The following FYB2 variants were observed in gnomAD, a reference collection of about 807,000 sequenced individuals.
FYB2 encodes the protein FYN binding protein 2, also known as FYN-binding protein 2.
Under a neutral mutation model 94.1 loss-of-function variants are expected in FYB2, and 103 were observed. That is an observed-to-expected ratio of 1.09 (90% confidence interval 0.93 to 1.29). The LOEUF (loss-of-function observed/expected upper bound fraction) is 1.29, where lower values mean the gene tolerates loss of function less well. Among genes scored for constraint, FYB2 ranks in the 50% most tolerant of loss-of-function variants. The pLI is 0.00. For synonymous variants in FYB2, 293 were observed against 287.9 expected, an observed-to-expected ratio of 1.02 and a Z score of -0.18; for missense variants, 896 against 841.5, an observed-to-expected ratio of 1.06 and a Z score of -0.80.
chr1:56,769,740 A>C (rs1269205247), intron 4 of FYB2, among the ~76,000 whole-genome samples: 7 of 152,188 alleles, frequency 4.6e-5, no homozygotes, highest in Non-Finnish European at 8.8e-5. Flanking sequence ...AAATGCAATG[A>C]GAAAGCTTAA....
intron 16 of FYB2, among the ~76,000 whole-genome samples, chr1:56,724,222 C>T (rs1229821604): frequency 1.3e-5 from 2 of 151,918 alleles, no homozygotes; most frequent in Non-Finnish European, 2.9e-5. Flanking sequence ...TCGAAGAGCT[C>T]TCCAGTTTGC....
At chr1:56,735,576 C>T (rs560020624) in intron 15 of FYB2, among the ~76,000 whole-genome samples, 1 of 152,162 alleles carries the variant, frequency 6.6e-6, no homozygotes, top group East Asian at 1.9e-4. Flanking sequence ...TAAACCTCAC[C>T]TTGAATTGTA....
At chr1:56,754,078 C>A (rs1645267098) in intron 7 of FYB2, 143 bp from the exon 8 acceptor site, 1 of 617,358 alleles carries the variant, frequency 1.6e-6, no homozygotes, top group East Asian at 2.8e-5. Context: ...GGACTAGGAT[C>A]AGATCAATTA....
intron 15 of FYB2, among the ~76,000 whole-genome samples, chr1:56,731,363 A>T (rs1326498048): frequency 6.6e-6 from 1 of 152,152 alleles, no homozygotes; most frequent in African/African-American, 2.4e-5. Flanking sequence ...TTATAAAAAT[A>T]GAGATGGGGT....
At chr1:56,759,201 C>T (rs1645428366) in intron 5 of FYB2, among the ~76,000 whole-genome samples, 1 of 152,096 alleles carries the variant, frequency 6.6e-6, no homozygotes, top group African/African-American at 2.4e-5. Flanking sequence ...ACGAGCACAC[C>T]AACTAAGGCT....
chr1:56,788,094 A>C (rs1646172922), intron 3 of FYB2, among the ~76,000 whole-genome samples: 1 of 152,204 alleles, frequency 6.6e-6, no homozygotes, highest in African/African-American at 2.4e-5. Flanking sequence ...AGACCAACTG[A>C]ACCAGAAACT....
Position 56,767,932 on chromosome 1 carries a change from G to A in FYB2, c.960C>T (p.Phe320=). 1 of 1,588,412 alleles carries A rather than the reference G, an allele frequency of 6.3e-7. No homozygotes were observed. Among genetic ancestry groups the A allele is most frequent in the Non-Finnish European group, 8.6e-7 (1 of 1,168,526 alleles). Residue 320 remains phenylalanine, a synonymous_variant, in exon 5 of 20, where the codon TTC becomes TTT. Coordinates refer to ENST00000343433, the MANE Select transcript of FYB2 (RefSeq NM_001004303.5). ...EEGSLSPERL[F]NAEFEEPHNY... is the part of the protein sequence containing the mutation. ...TATGTGGTTCTTCAAATTCTGCATTGAAAAGCCTGGAGAAAAAAGGGTTAC... is the reference window on the plus strand; with the variant it reads ...TATGTGGTTCTTCAAATTCTGCATTAAAAAGCCTGGAGAAAAAAGGGTTAC...
chr1:56,805,069 G>A lies in FYB2; in HGVS notation c.10-12266C>T, dbSNP rs962212198. 3.3e-5 allele frequency among the ~76,000 whole-genome samples: 5 copies of A among 152,150 alleles called. No individual in the cohort carries two copies. The East Asian group carries it at 9.6e-4, about 29-fold the overall frequency. ...GCTGAGTTACCAATCCCTCCGAGCA[G>A]CTTTTTCCAGTTCTTAGGTTGGGCC... is the stretch of plus-strand genomic sequence containing the variant. On this transcript the variant is annotated intron_variant, in intron 1 of 19. Transcript: ENST00000343433.
chr1:56,801,537 C>T (rs1646519553), intron 1 of FYB2, among the ~76,000 whole-genome samples: 1 of 152,174 alleles, frequency 6.6e-6, no homozygotes, highest in African/African-American at 2.4e-5. Flanking sequence ...TCTCATCTTT[C>T]ACCCTACTTT....
chr1:56,792,378 C>T lies in FYB2; in HGVS notation c.435G>A (p.Lys145=), dbSNP rs752667969. The change falls in exon 2 of 20, where the codon AAG becomes AAA. Residue 145 remains lysine (K), a synonymous_variant. Coordinates refer to ENST00000343433, the MANE Select transcript of FYB2 (RefSeq NM_001004303.5). The part of the protein sequence containing the change: ...SFRNKLWNWE[K]VSSQKSEMSS... ...ACATTTCACTTTTCTGAGATGAAAC[C>T]TTCTCCCAGTTCCAGAGTTTGTTTC... 1 of 1,614,096 alleles carries T rather than the reference C, an allele frequency of 6.2e-7. No individual in the cohort carries two copies. Among genetic ancestry groups the T allele is most frequent in the Admixed American group, 1.7e-5 (1 of 60,004 alleles).
chr1:56,719,415 C>CTGTT lies in FYB2; in HGVS notation c.*252_*255dup, dbSNP rs1217107145. On this transcript the variant is annotated 3_prime_UTR_variant, in exon 20 of 20. Coordinates refer to ENST00000343433, the MANE Select transcript of FYB2 (RefSeq NM_001004303.5). ...ATAAGTGCTCAAATGCTAACACATA[C>CTGTT]TGTTTCACATTCTCTTGAACTGACA... 2 of 416,076 alleles carry CTGTT rather than the reference C, an allele frequency of 4.8e-6. No homozygotes were observed. Among genetic ancestry groups the CTGTT allele is most frequent in the East Asian group, 3.7e-5 (1 of 26,892 alleles). 25.8% of individuals were successfully genotyped at this position (416,076 alleles called of 1,614,324 possible).
chr1:56,789,219 T>TA (rs1307844505), intron 2 of FYB2, 85 bp from the exon 3 acceptor site: 4 of 1,427,874 alleles, frequency 2.8e-6, no homozygotes, highest in Non-Finnish European at 3.8e-6. Flanking sequence ...TGCCTCCATC[T>TA]AAGTCCCGTC....
In FYB2 at chr1:56,740,738, A is replaced by G; in HGVS notation, c.1662T>C (p.Asp554=). ...RLQQFFKKEK[D]RFKIKKTKSK... is the part of the protein sequence containing the mutation. ...ACTTGGTTTTCTTTATTTTAAATCT[A>G]TCCTTTTCTTTCTTGAAGAATTGCT... Residue 554 remains aspartate (D), a synonymous_variant, in exon 13 of 20, where the codon GAT becomes GAC. Transcript: ENST00000343433. The G allele has an allele frequency of 6.2e-7, 1 of 1,608,374 alleles. No individual in the cohort carries two copies. Among genetic ancestry groups the G allele is most frequent in the Non-Finnish European group, 8.5e-7 (1 of 1,176,978 alleles).
chr1:56,761,787 CCTCT>C (rs76583089), intron 5 of FYB2, among the ~76,000 whole-genome samples: 31,907 of 151,886 alleles, frequency 0.21, 3,530 homozygotes, highest in South Asian at 0.33. Flanking sequence ...TCCTTCCTTC[CCTCT>C]CTCCTTCCCT....
chr1:56,781,935 G>A (rs1738400), intron 4 of FYB2, among the ~76,000 whole-genome samples: 117,240 of 152,072 alleles, frequency 0.77, 46,278 homozygotes, highest in East Asian at 0.96. Context: ...CTTTAACTGG[G>A]CTGGGTCCTT....
intron 1 of FYB2, among the ~76,000 whole-genome samples, chr1:56,814,443 A>T (rs1646836199): frequency 6.6e-6 from 1 of 152,206 alleles, no homozygotes; most frequent in South Asian, 2.1e-4. Context: ...GCCAGGCTAA[A>T]TGCTGAAGTC....
intron 14 of FYB2, chr1:56,737,366 T>A: frequency 4.8e-6 from 2 of 420,504 alleles, no homozygotes; most frequent in Non-Finnish European, 4.1e-6. Flanking sequence ...AAAAGTGTGA[T>A]GTCCCAGTAT....
In FYB2 at chr1:56,758,821, G is replaced by C; in HGVS notation, c.1064-71C>G. The C allele has an allele frequency of 3.4e-6, 4 of 1,193,334 alleles. No individual in the cohort carries two copies. The South Asian group carries it at 6.0e-5, about 18-fold the overall frequency. 73.9% of individuals were successfully genotyped at this position (1,193,334 alleles called of 1,614,324 possible). Reference sequence around the variant, plus strand: ...ATTTCTTATAGCACCCAGGATTAAAGCAGTTATAAAAGATTCCAGAATTCA... The same window carrying C: ...ATTTCTTATAGCACCCAGGATTAAACCAGTTATAAAAGATTCCAGAATTCA... On this transcript the variant is annotated intron_variant, in intron 5 of 19. Transcript: ENST00000343433.
chr1:56,805,083 T>C (rs972906029), intron 1 of FYB2, among the ~76,000 whole-genome samples: 5 of 152,220 alleles, frequency 3.3e-5, no homozygotes, highest in African/African-American at 1.2e-4. Context: ...TTTCCAGTTC[T>C]TAGGTTGGGC....
Sources: gnomAD v4.1 joint callset for allele counts (sites outside exome capture counted in the v4.1 genomes callset) on GRCh38, gnomAD v4.1.1 for gene constraint, MANE v1.5 for transcripts, NCBI Gene and HGNC (gene_info 2026-07-23, HGNC 2026-07-21) for gene names.